Variants in TPO observed in about 807,000 individuals in gnomAD.
TPO encodes the protein thyroid peroxidase.
In TPO, 78 loss-of-function variants were observed where a neutral mutation model predicts 96.9. The ratio of observed to expected loss-of-function variants is 0.81; its 90% confidence interval spans 0.67 to 0.97. The LOEUF (loss-of-function observed/expected upper bound fraction) is 0.97, where lower values mean the gene tolerates loss of function less well. Ranked by LOEUF, TPO falls within the 50% of genes least tolerant of loss-of-function variation. The pLI is 0.00. For synonymous variants in TPO, 547 were observed against 538.0 expected (o/e 1.02, Z -0.23); for missense variants, 1,252 against 1,274.8 (o/e 0.98, Z 0.27).
At chr2:1,537,143 ACC>A (rs1679918302) in intron 15 of TPO, among the ~76,000 whole-genome samples, 1 of 64,278 alleles carries the variant, frequency 1.6e-5, no homozygotes, top group Non-Finnish European at 2.9e-5. Context: ...CTCCGCAAAT[ACC>A]CCCACTCTGT....
Position 1,433,602 on chromosome 2 carries a change from C to T in TPO, c.344C>T (p.Pro115Leu), listed in dbSNP as rs1665248376. 6.2e-7 allele frequency: 1 copy of T among 1,613,656 alleles called. No homozygotes were observed. The highest frequency in any genetic ancestry group is 8.5e-7 in the Non-Finnish European group (1 of 1,179,742). Residue 115 changes from proline (P) to leucine (L), a missense_variant, in exon 4 of 17, where the codon CCA becomes CTA. Coordinates refer to ENST00000329066, the MANE Select transcript of TPO (RefSeq NM_001206744.2). ...VNLKTQQSQH[P>L]TDALSEDLLS... ...CTGAAAACTCAACAATCACAGCATC[C>T]AACGGGTAATGTGTGCCCCTCTCCC...
At chr2:1,466,886 G>C (rs1346496390) in intron 7 of TPO, among the ~76,000 whole-genome samples, 1 of 151,788 alleles carries the variant, frequency 6.6e-6, no homozygotes, top group Non-Finnish European at 1.5e-5. Flanking sequence ...ATTTCATTTA[G>C]TTCTGCTCTG....
At position 1,433,621 on chromosome 2, in the gene TPO, C is replaced by T; in HGVS notation, c.349+14C>T. 6.2e-7 allele frequency: 1 copy of T among 1,612,366 alleles called. No homozygotes were observed. Among genetic ancestry groups the T allele is most frequent in the Non-Finnish European group, 8.5e-7 (1 of 1,179,006 alleles). On this transcript the variant is annotated intron_variant, in intron 4 of 16. Transcript: ENST00000329066. ...AGCATCCAACGGGTAATGTGTGCCC[C>T]TCTCCCCACTGAGGAGCGGCAACTC...
rs367614497 is a variant in TPO, at chr2:1,444,243, G to T, written c.482+7859G>T. Among the ~76,000 whole-genome samples, 378 of 61,742 alleles carry T rather than the reference G, an allele frequency of 6.1e-3. 1 individual carries two copies. The highest frequency in any genetic ancestry group is 0.054 in the Middle Eastern group (3 of 56). 40.5% of individuals were successfully genotyped at this position (61,742 alleles called of 152,430 possible). Reference sequence around the variant, plus strand: ...CATGTTGGAAGGGAATGGGGCAGGCGCCTTCTTGTTTGTATGATCCAGTCA... The same window carrying T: ...CATGTTGGAAGGGAATGGGGCAGGCTCCTTCTTGTTTGTATGATCCAGTCA... On this transcript the variant is annotated intron_variant, in intron 5 of 16. Coordinates refer to ENST00000329066, the MANE Select transcript of TPO (RefSeq NM_001206744.2).
At chr2:1,528,980 G>A (rs115290524) in intron 15 of TPO, among the ~76,000 whole-genome samples, 1 of 126,344 alleles carries the variant, frequency 7.9e-6, no homozygotes, top group Non-Finnish European at 1.6e-5. Flanking sequence ...CCCACTGTGA[G>A]TAACCTCCTA....
At chr2:1,440,899 A>T (rs192549664) in intron 5 of TPO, among the ~76,000 whole-genome samples, 4 of 151,766 alleles carry the variant, frequency 2.6e-5, no homozygotes, top group Admixed American at 2.6e-4. Context: ...CGCAGGAGGC[A>T]CTACGTTGGA....
intron 1 of TPO, among the ~76,000 whole-genome samples, chr2:1,389,771 G>A (rs1426029216): frequency 6.6e-6 from 1 of 152,038 alleles, no homozygotes; most frequent in African/African-American, 2.4e-5. Flanking sequence ...TTCCACCTCA[G>A]ATTAAAAGCC....
chr2:1,494,174 G>A (rs1255050732), intron 11 of TPO, 135 bp downstream of exon 11: 10 of 929,530 alleles, frequency 1.1e-5, no homozygotes, highest in East Asian at 2.5e-5. Context: ...TGGTCAGGTT[G>A]TTTCTCCCAC....
chr2:1,439,558 A>T (rs1665942467), intron 5 of TPO, among the ~76,000 whole-genome samples: 1 of 151,994 alleles, frequency 6.6e-6, no homozygotes. Flanking sequence ...TAGCCCAAAC[A>T]AGCAGACTTT....
intron 15 of TPO, among the ~76,000 whole-genome samples, chr2:1,525,155 ACCT>A (rs1367924690): frequency 2.0e-5 from 2 of 102,434 alleles, no homozygotes; most frequent in Non-Finnish European, 3.8e-5. Context: ...ACTGTGTGCA[ACCT>A]CCTCAAGTCC....
At chr2:1,418,405 G>A (rs1315732824) in intron 2 of TPO, among the ~76,000 whole-genome samples, 2 of 152,162 alleles carry the variant, frequency 1.3e-5, no homozygotes, top group African/African-American at 2.4e-5. Flanking sequence ...GAAAGATCTT[G>A]GCTGGTGCTC....
At chr2:1,503,314 G>A (rs997331926) in intron 13 of TPO, among the ~76,000 whole-genome samples, 13 of 152,198 alleles carry the variant, frequency 8.5e-5, no homozygotes, top group Non-Finnish European at 1.8e-4. Flanking sequence ...TCCATTTAGA[G>A]AATGCGCACT....
chr2:1,457,727 A>G (rs890078207), intron 7 of TPO, among the ~76,000 whole-genome samples: 6 of 152,140 alleles, frequency 3.9e-5, no homozygotes, highest in Non-Finnish European at 8.8e-5. Context: ...CTGTGTGGTC[A>G]CAAGTATATA....
At chr2:1,415,189 C>T (rs1267348781) in intron 2 of TPO, among the ~76,000 whole-genome samples, 2 of 147,260 alleles carry the variant, frequency 1.4e-5, no homozygotes, top group Admixed American at 1.3e-4. Flanking sequence ...CGGGCAGGTC[C>T]CTGGGCCTCT....
intron 14 of TPO, among the ~76,000 whole-genome samples, chr2:1,505,762 G>A (rs1673382596): frequency 6.6e-6 from 1 of 151,636 alleles, no homozygotes; most frequent in African/African-American, 2.4e-5. Flanking sequence ...GCCCCAGTGT[G>A]TGCTGTTCTC....
chr2:1,507,472 G>A (rs1214697751), intron 14 of TPO, among the ~76,000 whole-genome samples: 1 of 152,132 alleles, frequency 6.6e-6, no homozygotes, highest in African/African-American at 2.4e-5. Flanking sequence ...AATTACCTTG[G>A]GCAGTATGGT....
At chr2:1,453,607 C>A in intron 5 of TPO, 87 bp from the exon 6 acceptor site, 1 of 1,605,402 alleles carries the variant, frequency 6.2e-7, no homozygotes, top group Non-Finnish European at 8.5e-7. Context: ...ACTTATTCTC[C>A]CTGAGAATGG....
At chr2:1,488,044 G>A (rs961639723) in intron 10 of TPO, 53 bp downstream of exon 10, 12 of 1,608,570 alleles carry the variant, frequency 7.5e-6, no homozygotes, top group African/African-American at 5.3e-5. Context: ...GGGATTTGCC[G>A]AGCTAGCAAC....
At chr2:1,507,036 T>G (rs1673539788) in intron 14 of TPO, among the ~76,000 whole-genome samples, 2 of 152,154 alleles carry the variant, frequency 1.3e-5, no homozygotes, top group South Asian at 4.1e-4. Flanking sequence ...TGTAAGTCTT[T>G]AATCCATCTT....
Sources: gnomAD v4.1 joint callset for allele counts (sites outside exome capture counted in the v4.1 genomes callset) on GRCh38, gnomAD v4.1.1 for gene constraint, MANE v1.5 for transcripts, NCBI Gene and HGNC (gene_info 2026-07-23, HGNC 2026-07-21) for gene names.